The following MICAL2 variants were observed in gnomAD, a reference collection of about 807,000 sequenced individuals.
MICAL2 encodes the protein [F-actin]-monooxygenase MICAL2.
In MICAL2, 77 loss-of-function variants were observed where a neutral mutation model predicts 127.3. That is an observed-to-expected ratio of 0.60 (90% confidence interval 0.50 to 0.73). The LOEUF is 0.73. Among genes scored for constraint, MICAL2 ranks in the 30% least tolerant of loss-of-function variants. The probability of loss-of-function intolerance (pLI) is 0.00; values close to 1 mark genes in which losing one functional copy is unlikely to be tolerated. For synonymous variants in MICAL2, 570 were observed against 551.1 expected, an observed-to-expected ratio of 1.03 and a Z score of -0.48; for missense variants, 1,351 against 1,434.4, an observed-to-expected ratio of 0.94 and a Z score of 0.94.
In MICAL2 at chr11:12,322,127, G is replaced by T. The variant is rs75559143; in HGVS notation, c.5329-1851G>T. Among the ~76,000 whole-genome samples, 22 of 152,222 alleles carry T rather than the reference G, an allele frequency of 1.4e-4. No individual in the cohort carries two copies. In the East Asian group the frequency reaches 3.7e-3, roughly 25 times the overall value. ...GTGCAATTTGAGGAATAAATGGGAT[G>T]ATACATGTGAAATAATTAGTACAGT... On this transcript the variant is annotated intron_variant, in intron 30 of 34. Transcript: ENST00000646065.
chr11:12,236,008 C>G (rs527889253), intron 15 of MICAL2, among the ~76,000 whole-genome samples, 169 bp from the exon 16 acceptor site: 2 of 152,358 alleles, frequency 1.3e-5, no homozygotes, highest in East Asian at 1.9e-4. Context: ...GCATTTGTCA[C>G]AGTGCGGAGT....
intron 24 of MICAL2, among the ~76,000 whole-genome samples, chr11:12,269,582 C>T (rs549087657): frequency 5.9e-5 from 9 of 152,278 alleles, no homozygotes; most frequent in Non-Finnish European, 5.9e-5. Context: ...GATCGCCAGC[C>T]GTCTGTGGCA....
In MICAL2 at chr11:12,186,981, C is replaced by T. The variant is rs553976173; in HGVS notation, c.265-17269C>T. On this transcript the variant is annotated intron_variant, in intron 3 of 27. Transcript: ENST00000683283. The stretch of plus-strand genomic sequence containing the variant: ...GCCTGTGTCCCTGTCCCCGACTGTG[C>T]TAATTCTTGAGTGTAGTCCCTGAGT... Among the ~76,000 whole-genome samples, 24 of 152,372 alleles carry T rather than the reference C, an allele frequency of 1.6e-4. No individual in the cohort carries two copies. In the South Asian group the frequency reaches 3.5e-3, roughly 22 times the overall value.
chr11:12,180,143 A>T (rs1857262209), intron 3 of MICAL2, among the ~76,000 whole-genome samples: 1 of 152,008 alleles, frequency 6.6e-6, no homozygotes, highest in South Asian at 2.1e-4. Flanking sequence ...GGGGTTAGCA[A>T]AGACCGTGAC....
At chr11:12,155,731 C>A (rs1236438377) in intron 2 of MICAL2, among the ~76,000 whole-genome samples, 3 of 152,266 alleles carry the variant, frequency 2.0e-5, no homozygotes, top group Non-Finnish European at 4.4e-5. Context: ...ACCTCCCCCA[C>A]GTCCACATAG....
chr11:12,312,499 A>G (rs555188696), intron 29 of MICAL2, among the ~76,000 whole-genome samples: 7 of 152,300 alleles, frequency 4.6e-5, no homozygotes, highest in Non-Finnish European at 8.8e-5. Flanking sequence ...GTGTTTAGAA[A>G]AATATTACTT....
At chr11:12,358,512 T>C (rs1939163485), downstream of MICAL2, 2 of 1,605,704 alleles carry the variant, frequency 1.2e-6, no homozygotes, top group African/African-American at 1.3e-5. Context: ...TGGCTGCACG[T>C]TGGGACCGGA....
At chr11:12,360,507 A>G (rs930807453), downstream of MICAL2, among the ~76,000 whole-genome samples, 1 of 152,236 alleles carries the variant, frequency 6.6e-6, no homozygotes, top group Non-Finnish European at 1.5e-5. Flanking sequence ...ATTCTAGAAT[A>G]TGCAGCAATA....
intron 1 of MICAL2, among the ~76,000 whole-genome samples, chr11:12,129,871 C>A (rs1851273894): frequency 6.6e-6 from 1 of 151,854 alleles, no homozygotes; most frequent in South Asian, 2.1e-4. Context: ...CCATGCCTGG[C>A]TAATTTTTTC....
intron 10 of MICAL2, among the ~76,000 whole-genome samples, 187 bp from the exon 11 acceptor site, chr11:12,222,430 G>A (rs949813484): frequency 3.3e-5 from 5 of 152,128 alleles, no homozygotes; most frequent in Admixed American, 6.5e-5. Context: ...CTTTCCTCTC[G>A]GCCCCTTTGA....
At chr11:12,314,632 C>T (rs1025135480) in intron 29 of MICAL2, among the ~76,000 whole-genome samples, 3 of 142,700 alleles carry the variant, frequency 2.1e-5, no homozygotes, top group African/African-American at 7.8e-5. Flanking sequence ...GCGCCCGCCA[C>T]CATGCCCAGC....
chr11:12,207,304 A>C (rs1440822613), intron 4 of MICAL2, among the ~76,000 whole-genome samples: 1 of 152,224 alleles, frequency 6.6e-6, no homozygotes, highest in East Asian at 1.9e-4. Flanking sequence ...ATGGCACCTG[A>C]CATAGTATAG....
At chr11:12,249,880 T>TA (rs1216772407) in intron 22 of MICAL2, 1 of 152,304 alleles carries the variant, frequency 6.6e-6, no homozygotes, top group Non-Finnish European at 1.5e-5. Context: ...GCATTCGCAG[T>TA]TTCTGCCTTG....
At chr11:12,327,230 G>A in exon 32 of MICAL2, 5 of 1,551,392 alleles carry the variant, frequency 3.2e-6, no homozygotes, top group African/African-American at 1.4e-5. Context: ...TGAGATCCAG[G>A]GTGTGAGGCT....
upstream of MICAL2, among the ~76,000 whole-genome samples, chr11:12,272,465 G>A (rs76873956): frequency 3.8e-3 from 581 of 152,314 alleles, 4 homozygotes; most frequent in African/African-American, 0.013. Context: ...TGTGGTGGCA[G>A]GTTCATCCCC....
At chr11:12,342,196 T>C (rs556026590) in intron 32 of MICAL2, among the ~76,000 whole-genome samples, 1 of 152,334 alleles carries the variant, frequency 6.6e-6, no homozygotes, top group East Asian at 1.9e-4. Context: ...TGCTTGCCTT[T>C]TGGCTGCACC....
At chr11:12,254,433 C>A (rs552452433) in intron 22 of MICAL2, 13 of 152,496 alleles carry the variant, frequency 8.5e-5, no homozygotes, top group African/African-American at 3.1e-4. Context: ...TGAGCAGCTG[C>A]CTGCAGCCCT....
chr11:12,225,852 TAAA>T (rs1565199352), intron 13 of MICAL2: 1 of 326,410 alleles, frequency 3.1e-6, no homozygotes, highest in Non-Finnish European at 5.8e-6. Context: ...CTTTTGTAAT[TAAA>T]AAGAAAAAAA....
downstream of MICAL2, among the ~76,000 whole-genome samples, chr11:12,290,393 A>T (rs1244096716): frequency 1.3e-5 from 2 of 152,108 alleles, no homozygotes; most frequent in Non-Finnish European, 2.9e-5. Flanking sequence ...GAAGTCCCTG[A>T]GGGATCCTCA....
Sources: gnomAD v4.1 joint callset for allele counts (sites outside exome capture counted in the v4.1 genomes callset) on GRCh38, gnomAD v4.1.1 for gene constraint, MANE v1.5 for transcripts, NCBI Gene and HGNC (gene_info 2026-07-23, HGNC 2026-07-21) for gene names.